The following HTRA1 variants were observed in gnomAD, a reference collection of about 807,000 sequenced individuals.
HTRA1 encodes HtrA serine peptidase 1, also known as serine protease HTRA1.
HTRA1 carries 26 observed loss-of-function variants against 49.7 expected under a neutral mutation model. That is an observed-to-expected ratio of 0.52 (90% CI 0.38 to 0.73). HTRA1 has a LOEUF of 0.73. Ranked by LOEUF, HTRA1 falls within the 30% of genes least tolerant of loss-of-function variation. HTRA1 has a pLI of 0.00. For synonymous variants in HTRA1, 291 were observed against 286.9 expected, an observed-to-expected ratio of 1.01 and a Z score of -0.14; for missense variants, 561 against 667.2, an observed-to-expected ratio of 0.84 and a Z score of 1.75.
At chr10:122,475,934 G>A (rs573971437) in intron 1 of HTRA1, among the ~76,000 whole-genome samples, 196 of 152,330 alleles carry the variant, frequency 1.3e-3, no homozygotes, top group Non-Finnish European at 2.2e-3. Context: ...ATTTAATGGA[G>A]CGGGCCAGAC....
At chr10:122,513,066 G>C (rs766445987) in intron 8 of HTRA1, among the ~76,000 whole-genome samples, 2 of 152,176 alleles carry the variant, frequency 1.3e-5, no homozygotes, top group Non-Finnish European at 2.9e-5. Context: ...TTTTGTGCTG[G>C]AACAGCAGAG....
At chr10:122,467,819 G>A (rs1341881465) in intron 1 of HTRA1, among the ~76,000 whole-genome samples, 7 of 152,060 alleles carry the variant, frequency 4.6e-5, no homozygotes, top group Non-Finnish European at 1.0e-4. Context: ...TAGAGAAACC[G>A]AGAAGTGTAG....
intron 1 of HTRA1, among the ~76,000 whole-genome samples, chr10:122,470,063 G>T (rs577196738): frequency 3.9e-5 from 6 of 152,300 alleles, no homozygotes; most frequent in Middle Eastern, 3.4e-3. Flanking sequence ...GTTGAATGGA[G>T]TGTTCTATAA....
chr10:122,495,470 C>T (rs928784445), intron 3 of HTRA1, among the ~76,000 whole-genome samples: 2 of 152,102 alleles, frequency 1.3e-5, no homozygotes, highest in Admixed American at 6.5e-5. Flanking sequence ...TTATTTTGTG[C>T]CAGGCTTTGT....
At position 122,461,624 on chromosome 10, in the gene HTRA1, C is replaced by A; in HGVS notation, c.-29C>A. ...CGCTCTCCGGCCCTCGCCCTGTCCG[C>A]CGCCACCGCCGCCGCCGCCAGAGTC... is the stretch of plus-strand genomic sequence containing the variant. On this transcript the variant is annotated 5_prime_UTR_variant, in exon 1 of 9. Transcript: ENST00000368984. 7.8e-7 allele frequency: 1 copy of A among 1,275,264 alleles called. No individual in the cohort carries two copies. Among genetic ancestry groups the A allele is most frequent in the Non-Finnish European group, 1.0e-6 (1 of 985,634 alleles). The allele number at this position is 1,275,264 out of a possible 1,614,324, so 79.0% of individuals were successfully genotyped here.
chr10:122,462,212 C>CAGCG, intron 1 of HTRA1, 88 bp downstream of exon 1: 1 of 1,176,906 alleles, frequency 8.5e-7, no homozygotes, highest in Non-Finnish European at 1.2e-6. Flanking sequence ...GGTTGAGGGG[C>CAGCG]AGCGAAGCGT....
chr10:122,491,692 C>T (rs554368208), intron 3 of HTRA1, among the ~76,000 whole-genome samples: 12 of 152,340 alleles, frequency 7.9e-5, no homozygotes, highest in East Asian at 3.9e-4. Context: ...TCTCAATAGA[C>T]GAGCTTTGCA....
chr10:122,476,737 G>T (rs753794825), intron 1 of HTRA1, among the ~76,000 whole-genome samples: 127 of 152,284 alleles, frequency 8.3e-4, no homozygotes, highest in Non-Finnish European at 2.5e-4. Flanking sequence ...TGAGAGACTG[G>T]GTAGTAAGGG....
chr10:122,478,504 T>C (rs2097489607), intron 1 of HTRA1, among the ~76,000 whole-genome samples: 1 of 151,590 alleles, frequency 6.6e-6, no homozygotes, highest in Non-Finnish European at 1.5e-5. Flanking sequence ...GCCATTCTCC[T>C]GCCTCAGCCT....
In HTRA1 at chr10:122,483,692, G is replaced by A. The variant is rs540820001; in HGVS notation, c.473-5210G>A. On this transcript the variant is annotated intron_variant, in intron 1 of 8. Coordinates refer to ENST00000368984, the MANE Select transcript of HTRA1 (RefSeq NM_002775.5). The stretch of plus-strand genomic sequence containing the variant: ...GAGAAATTGATAGCTTAACAATAGT[G>A]AATCTTCTGATCTACAAGTGTGGTA... Among the ~76,000 whole-genome samples the A allele has an allele frequency of 6.9e-4, 105 of 152,196 alleles. 1 individual carries two copies. Among genetic ancestry groups the A allele is most frequent in the Non-Finnish European group, 1.3e-3 (88 of 68,038 alleles).
At chr10:122,479,081 T>C (rs1364868135) in intron 1 of HTRA1, among the ~76,000 whole-genome samples, 2 of 152,218 alleles carry the variant, frequency 1.3e-5, no homozygotes, top group South Asian at 2.1e-4. Context: ...TAAAGGAGGA[T>C]TCATTTCTTT....
chr10:122,510,005 C>A, intron 6 of HTRA1, 91 bp from the exon 7 acceptor site: 1 of 1,099,152 alleles, frequency 9.1e-7, no homozygotes, highest in Non-Finnish European at 1.4e-6. Flanking sequence ...GCCCTTCCTG[C>A]AACCTGGGGG....
intron 7 of HTRA1, 21 bp from the exon 8 acceptor site, chr10:122,511,949 G>A (rs772558244): frequency 1.3e-6 from 2 of 1,597,364 alleles, no homozygotes; most frequent in South Asian, 2.2e-5. Context: ...CACTAACACG[G>A]GTGCTTTTTC....
chr10:122,503,488 C>T (rs991478490), intron 3 of HTRA1, among the ~76,000 whole-genome samples: 2 of 152,192 alleles, frequency 1.3e-5, no homozygotes, highest in South Asian at 2.1e-4. Flanking sequence ...TCATGGACCA[C>T]CATAAATCTG....
In HTRA1 at chr10:122,514,460, C is replaced by T; in HGVS notation, c.*101C>T. 1 of 1,206,030 alleles carries T rather than the reference C, an allele frequency of 8.3e-7. No individual in the cohort carries two copies. The highest frequency in any genetic ancestry group is 1.2e-6 in the Non-Finnish European group (1 of 816,088). 74.7% of individuals were successfully genotyped at this position (1,206,030 alleles called of 1,614,324 possible). ...GGAATAGGACACTCAAGACTTTTGA[C>T]TGCCATTTTGTTTGTTCAGTGGAGA... On this transcript the variant is annotated 3_prime_UTR_variant, in exon 9 of 9. Transcript: ENST00000368984.
chr10:122,514,582 G>A lies in HTRA1; in HGVS notation c.*223G>A. The A allele has an allele frequency of 1.8e-6, 1 of 557,960 alleles. No homozygotes were observed. Among genetic ancestry groups the A allele is most frequent in the Non-Finnish European group, 3.2e-6 (1 of 309,696 alleles). 34.6% of individuals were successfully genotyped at this position (557,960 alleles called of 1,614,324 possible). A position where few individuals can be genotyped will look rare whatever the true frequency, so the allele number is the denominator to read the frequency against. On this transcript the variant is annotated 3_prime_UTR_variant, in exon 9 of 9. Transcript: ENST00000368984. ...GAAGCTCTGCCCTTCTGTATCCTATGTATGCAGTGTGCTTTTTCTTGCCAG... is the reference window on the plus strand; with the variant it reads ...GAAGCTCTGCCCTTCTGTATCCTATATATGCAGTGTGCTTTTTCTTGCCAG...
rs149822364 is a variant in HTRA1 at position 122,514,267 on chromosome 10, G to A, written c.1351G>A (p.Val451Ile). The change falls in exon 9 of 9, where the codon GTC becomes ATC. Residue 451 changes from valine to isoleucine, a missense_variant. Coordinates refer to ENST00000368984, the MANE Select transcript of HTRA1 (RefSeq NM_002775.5). ...GGTCTCCGCCAATGATGTCAGCGAC[G>A]TCATTAAAAGGGAAAGCACCCTGAA... ...SVVSANDVSDVIKRESTLNMV... is the reference protein window; with the variant it reads ...SVVSANDVSDIIKRESTLNMV... The A allele has an allele frequency of 9.1e-5, 147 of 1,613,486 alleles. No individual in the cohort carries two copies. Among genetic ancestry groups the A allele is most frequent in the Non-Finnish European group, 1.2e-4 (138 of 1,179,552 alleles).
At chr10:122,499,807 C>T (rs1391042776) in intron 3 of HTRA1, among the ~76,000 whole-genome samples, 1 of 152,200 alleles carries the variant, frequency 6.6e-6, no homozygotes, top group Admixed American at 6.5e-5. Flanking sequence ...CCAGAAGGCA[C>T]ATTGAATCAC....
Position 122,498,430 on chromosome 10 carries a change from C to T in HTRA1, c.778-8261C>T, listed in dbSNP as rs114302268. Among the ~76,000 whole-genome samples the T allele has an allele frequency of 5.7e-3, 867 of 152,266 alleles. 11 individuals carry two copies. The highest frequency in any genetic ancestry group is 0.02 in the African/African-American group (841 of 41,552). ...CCTGCCCTGGCTCTTCTGCTCACTG[C>T]GACCACCCTTGACTTTGTGATCACT... On this transcript the variant is annotated intron_variant, in intron 3 of 8. Coordinates refer to ENST00000368984, the MANE Select transcript of HTRA1 (RefSeq NM_002775.5).
Sources: gnomAD v4.1 joint callset for allele counts (sites outside exome capture counted in the v4.1 genomes callset) on GRCh38, gnomAD v4.1.1 for gene constraint, MANE v1.5 for transcripts, NCBI Gene and HGNC (gene_info 2026-07-23, HGNC 2026-07-21) for gene names.